TIMP4: variants seen among roughly 807,000 people sequenced by gnomAD.
TIMP4 encodes the protein metalloproteinase inhibitor 4.
In TIMP4, 28 loss-of-function variants were observed where a neutral mutation model predicts 27.3. The observed-to-expected ratio is 1.03, with a 90% CI of 0.76 to 1.41. The LOEUF is 1.41. Among genes scored for constraint, TIMP4 ranks in the 40% most tolerant of loss-of-function variants. The pLI is 0.00. For missense variants in TIMP4, 307 were observed against 285.5 expected, an observed-to-expected ratio of 1.08 and a Z score of -0.54; for synonymous variants, 138 against 115.5, an observed-to-expected ratio of 1.20 and a Z score of -1.25.
At position 12,153,371 on chromosome 3, in the gene TIMP4, C is replaced by G. The variant is rs1697360283; in HGVS notation, c.*144G>C. The G allele has an allele frequency of 2.0e-6, 2 of 976,674 alleles. No individual in the cohort carries two copies. The highest frequency in any genetic ancestry group is 4.9e-5 in the East Asian group (2 of 40,914). 60.5% of individuals were successfully genotyped at this position (976,674 alleles called of 1,614,324 possible). On this transcript the variant is annotated 3_prime_UTR_variant, in exon 5 of 5. Coordinates refer to ENST00000287814, the MANE Select transcript of TIMP4 (RefSeq NM_003256.4). ...AGAAAAGTCATGGCCCCTTCCCTGC[C>G]TTGACAGTGGCCAGACTGTCCACTT... is the stretch of plus-strand genomic sequence containing the variant.
chr3:12,157,057 G>A (rs1042279345), intron 2 of TIMP4, 123 bp from the exon 3 acceptor site: 2 of 670,542 alleles, frequency 3.0e-6, no homozygotes, highest in Non-Finnish European at 5.1e-6. Context: ...AGGATTTTGT[G>A]TCCTCAGATG....
Position 12,153,541 on chromosome 3 carries a change from C to G in TIMP4, c.649G>C (p.Glu217Gln), listed in dbSNP as rs2125227012. ...TAGGGCTGAACGATGTCAACAAACT[C>G]CTTCCTGAGAGGCAGGTGGCCCCGG... Reference protein sequence around the residue: ...WYRGHLPLRKEFVDIVQP With the variant: ...WYRGHLPLRKQFVDIVQP Residue 217 changes from glutamate to glutamine, a missense_variant, in exon 5 of 5, where the codon GAG becomes CAG. Transcript: ENST00000287814. 1 of 1,613,912 alleles carries G rather than the reference C, an allele frequency of 6.2e-7. No homozygotes were observed. The highest frequency in any genetic ancestry group is 1.7e-4 in the Middle Eastern group (1 of 5,832).
Position 12,153,629 on chromosome 3 carries a change from G to T in TIMP4, c.561C>A (p.Leu187=). 2 of 1,614,146 alleles carry T rather than the reference G, an allele frequency of 1.2e-6. No homozygotes were observed. The highest frequency in any genetic ancestry group is 1.7e-6 in the Non-Finnish European group (2 of 1,180,030). The change falls in exon 5 of 5, where the codon CTC becomes CTA. Residue 187 remains leucine (L), a synonymous_variant. Transcript: ENST00000287814. The part of the protein sequence containing the change: ...LWTDWLLERK[L]YGYQAQHYVC... ...CATAATGCTGAGCCTGGTAACCATA[G>T]AGCTTTCGTTCCAACAGCCAGTCTG...
chr3:12,156,497 C>T (rs308953), intron 3 of TIMP4, among the ~76,000 whole-genome samples: 142,548 of 152,298 alleles, frequency 0.94, 66,797 homozygotes, highest in East Asian at 1. Flanking sequence ...GAGGAGACTT[C>T]GACTCAAGTT....
chr3:12,153,536 A>G lies in TIMP4; in HGVS notation c.654T>C (p.Phe218=). 1 of 1,613,782 alleles carries G rather than the reference A, an allele frequency of 6.2e-7. No individual in the cohort carries two copies. The highest frequency in any genetic ancestry group is 8.5e-7 in the Non-Finnish European group (1 of 1,180,010). The change falls in exon 5 of 5, where the codon TTT becomes TTC. Residue 218 remains phenylalanine, a synonymous_variant. Transcript: ENST00000287814. Reference sequence around the variant, plus strand: ...CCTACTAGGGCTGAACGATGTCAACAAACTCCTTCCTGAGAGGCAGGTGGC... The same window carrying G: ...CCTACTAGGGCTGAACGATGTCAACGAACTCCTTCCTGAGAGGCAGGTGGC... ...YRGHLPLRKE[F]VDIVQP is the part of the protein sequence containing the mutation.
Position 12,158,747 on chromosome 3 carries a change from A to G in TIMP4, c.94T>C (p.Cys32Arg). ...RPPGLGEACSCAPAHPQQHIC... is the reference protein window; with the variant it reads ...RPPGLGEACSRAPAHPQQHIC... ...TGCTGCTGAGGGTGCGCCGGGGCGC[A>G]GCTGCATGCCTCACCCAGCCCCGGG... The change falls in exon 1 of 5, where the codon TGC becomes CGC. Residue 32 changes from cysteine to arginine, a missense_variant. Cys to Arg is a radical substitution (Grantham distance 180, BLOSUM62 -3). Coordinates refer to ENST00000287814, the MANE Select transcript of TIMP4 (RefSeq NM_003256.4). The G allele has an allele frequency of 1.2e-6, 2 of 1,608,742 alleles. No homozygotes were observed. The highest frequency in any genetic ancestry group is 1.7e-6 in the Non-Finnish European group (2 of 1,179,630).
chr3:12,154,366 T>A lies in TIMP4; in HGVS notation c.438A>T (p.Glu146Asp), dbSNP rs1212196676. Reference protein sequence around the residue: ...PWEDLSLVQRESLNHHYHLNC... With the variant: ...PWEDLSLVQRDSLNHHYHLNC... ...TCAGATGGTAGTGATGATTCAGACT[T>A]TCCCTCTGCACCAAGGACAGGTCCT... Residue 146 changes from glutamate to aspartate, a missense_variant, in exon 4 of 5, where the codon GAA becomes GAT. Physicochemically the swap from Glu to Asp is conservative, Grantham distance 45. Coordinates refer to ENST00000287814, the MANE Select transcript of TIMP4 (RefSeq NM_003256.4). The A allele has an allele frequency of 6.2e-7, 1 of 1,614,086 alleles. No homozygotes were observed. The highest frequency in any genetic ancestry group is 8.5e-7 in the Non-Finnish European group (1 of 1,180,046).
In TIMP4 at chr3:12,157,501, G is replaced by A. The variant is rs368496542; in HGVS notation, c.140-19C>T. On this transcript the variant is annotated intron_variant, in intron 1 of 4. Transcript: ENST00000287814. ...CGAATCACTGCATAGGAAGAGAAAA[G>A]AGGGAACCTTCAGCAGCTGGTGGGG... is the stretch of plus-strand genomic sequence containing the variant. The A allele has an allele frequency of 1.8e-5, 29 of 1,613,254 alleles. No homozygotes were observed. The African/African-American group carries it at 3.7e-4, about 21-fold the overall frequency.
intron 3 of TIMP4, 148 bp from the exon 4 acceptor site, chr3:12,154,599 TA>T: frequency 1.3e-6 from 1 of 755,286 alleles, no homozygotes; most frequent in Non-Finnish European, 2.1e-6. Context: ...GACCAATAAA[TA>T]AAACTACTAT....
intron 1 of TIMP4, among the ~76,000 whole-genome samples, chr3:12,158,356 C>T (rs1345087976): frequency 1.3e-5 from 2 of 152,078 alleles, no homozygotes; most frequent in African/African-American, 2.4e-5. Flanking sequence ...CAATGCAAGC[C>T]CTCTCCCCTC....
At chr3:12,157,580 A>G in intron 1 of TIMP4, 98 bp from the exon 2 acceptor site, 4 of 1,218,644 alleles carry the variant, frequency 3.3e-6, no homozygotes, top group Non-Finnish European at 4.7e-6. Flanking sequence ...TCTATAGGGC[A>G]GTTCTTGGTT....
intron 3 of TIMP4, 93 bp downstream of exon 3, chr3:12,156,727 C>G (rs556827201): frequency 1.0e-6 from 1 of 974,978 alleles, no homozygotes; most frequent in East Asian, 2.4e-5. Context: ...CTGGCTCAGC[C>G]TACTGCCCAA....
rs1697356766 is a variant in TIMP4, at chr3:12,153,261, A to G, written c.*254T>C. 1.8e-6 allele frequency: 1 copy of G among 555,376 alleles called. No homozygotes were observed. Among genetic ancestry groups the G allele is most frequent in the South Asian group, 2.0e-5 (1 of 48,864 alleles). 34.4% of individuals were successfully genotyped at this position (555,376 alleles called of 1,614,324 possible). A position where few individuals can be genotyped will look rare whatever the true frequency, so the allele number is the denominator to read the frequency against. On this transcript the variant is annotated 3_prime_UTR_variant, in exon 5 of 5. Transcript: ENST00000287814. ...TAGTCCTGGCTTTAGAAAACAGACTAAGCCAGAAGAAACACTTGCAGTAAC... is the reference window on the plus strand; with the variant it reads ...TAGTCCTGGCTTTAGAAAACAGACTGAGCCAGAAGAAACACTTGCAGTAAC...
At position 12,158,636 on chromosome 3, in the gene TIMP4, C is replaced by CT. The variant is rs1268268454; in HGVS notation, c.139+65dup. On this transcript the variant is annotated intron_variant, in intron 1 of 4. Transcript: ENST00000287814. ...CCTTTTCCTCTGGACTCCTGGTGTACTGCTGGCCAGATACTAATCCCCCAC... is the reference window on the plus strand; with the variant it reads ...CCTTTTCCTCTGGACTCCTGGTGTACTTGCTGGCCAGATACTAATCCCCCAC... 5.6e-6 allele frequency: 9 copies of CT among 1,594,580 alleles called. No individual in the cohort carries two copies. The East Asian group carries it at 2.0e-4, about 36-fold the overall frequency.
At chr3:12,153,810 A>G in intron 4 of TIMP4, 98 bp from the exon 5 acceptor site, 2 of 1,300,388 alleles carry the variant, frequency 1.5e-6, no homozygotes, top group Non-Finnish European at 2.2e-6. Context: ...CCCATCTCAA[A>G]TGCCCCCTAT....
Position 12,154,388 on chromosome 3 carries a change from T to G in TIMP4, c.416A>C (p.Asp139Ala). The stretch of plus-strand genomic sequence containing the variant: ...ACTTTCCCTCTGCACCAAGGACAGG[T>G]CCTCCCAGGGCTCGATGTAGTTGCA... The part of the protein sequence containing the change: ...HLCNYIEPWE[D>A]LSLVQRESLN... Residue 139 changes from aspartate (D) to alanine (A), a missense_variant, in exon 4 of 5, where the codon GAC (aspartate) becomes GCC (alanine). Asp to Ala is a moderately radical substitution (Grantham distance 126). Transcript: ENST00000287814. 6.2e-7 allele frequency: 1 copy of G among 1,614,154 alleles called. No individual in the cohort carries two copies. Among genetic ancestry groups the G allele is most frequent in the Non-Finnish European group, 8.5e-7 (1 of 1,180,018 alleles).
rs370491983 is a variant in TIMP4, at chr3:12,156,911, G to C, written c.261C>G (p.Val87=). The C allele has an allele frequency of 1.1e-5, 17 of 1,613,962 alleles. No individual in the cohort carries two copies. Among genetic ancestry groups the C allele is most frequent in the Non-Finnish European group, 1.4e-5 (16 of 1,179,984 alleles). ...QIKMFKGFEK[V]KDVQYIYTPF... Reference sequence around the variant, plus strand: ...GCGTATAGATATACTGAACATCCTTGACTTTCTCAAACCCTTTGAACATCT... The same window carrying C: ...GCGTATAGATATACTGAACATCCTTCACTTTCTCAAACCCTTTGAACATCT... The change falls in exon 3 of 5, where the codon GTC becomes GTG. Residue 87 remains valine (V), a synonymous_variant. Transcript: ENST00000287814.
In TIMP4 at chr3:12,156,845, G is replaced by C. The variant is rs755404721; in HGVS notation, c.327C>G (p.Asn109Lys). Residue 109 changes from asparagine to lysine, a missense_variant, in exon 3 of 5, where the codon AAC becomes AAG. Transcript: ENST00000287814. ...CAGTCAAGAGATACTGCTTCTGGCT[G>C]TTGGCTTCTAGTTTCACACCACAGA... ...SSLCGVKLEA[N>K]SQKQYLLTGQ... 2.5e-6 allele frequency: 4 copies of C among 1,614,158 alleles called. No homozygotes were observed. The highest frequency in any genetic ancestry group is 3.4e-6 in the Non-Finnish European group (4 of 1,179,998).
rs372552859 is a variant in TIMP4 at position 12,153,600 on chromosome 3, C to G, written c.590G>C (p.Cys197Ser). Residue 197 changes from cysteine to serine, a missense_variant, in exon 5 of 5, where the codon TGT becomes TCT. Physicochemically the swap from Cys to Ser is moderately radical, Grantham distance 112. Transcript: ENST00000287814. ...LYGYQAQHYVCMKHVDGTCSW... is the reference protein window; with the variant it reads ...LYGYQAQHYVSMKHVDGTCSW... ...GCAGGTGCCGTCAACATGCTTCATA[C>G]AGACATAATGCTGAGCCTGGTAACC... 5 of 1,613,968 alleles carry G rather than the reference C, an allele frequency of 3.1e-6. No individual in the cohort carries two copies. Among genetic ancestry groups the G allele is most frequent in the South Asian group, 1.1e-5 (1 of 91,086 alleles).
Sources: gnomAD v4.1 joint callset for allele counts (sites outside exome capture counted in the v4.1 genomes callset) on GRCh38, gnomAD v4.1.1 for gene constraint, MANE v1.5 for transcripts, NCBI Gene and HGNC (gene_info 2026-07-23, HGNC 2026-07-21) for gene names.